Variants in SNAP25 observed in about 807,000 individuals in gnomAD.
The protein encoded by SNAP25 is synaptosomal-associated protein 25.
SNAP25 carries 3 observed loss-of-function variants against 28.7 expected under a neutral mutation model. The ratio of observed to expected loss-of-function variants is 0.10; its 90% CI spans 0.05 to 0.27. SNAP25 has a LOEUF of 0.27. Ranked by LOEUF, SNAP25 falls within the 10% of genes least tolerant of loss-of-function variation. The pLI, the probability that SNAP25 is intolerant of heterozygous loss-of-function variation, is 1.00. For synonymous variants in SNAP25, 61 were observed against 88.1 expected, an observed-to-expected ratio of 0.69 and a Z score of 1.72; for missense variants, 117 against 278.7, an observed-to-expected ratio of 0.42 and a Z score of 4.13.
At chr20:10,255,960 GA>G (rs371110849) in intron 1 of SNAP25, among the ~76,000 whole-genome samples, 67 of 152,312 alleles carry the variant, frequency 4.4e-4, no homozygotes, top group African/African-American at 1.5e-3. Context: ...TTTATGCATA[GA>G]TAATGCAAGG....
At chr20:10,283,105 T>G (rs773420000) in intron 3 of SNAP25, among the ~76,000 whole-genome samples, 28 of 152,216 alleles carry the variant, frequency 1.8e-4, no homozygotes, top group Admixed American at 3.3e-4. Context: ...AGTAGTGGTC[T>G]AGAAGCTTCA....
chr20:10,283,358 A>G (rs1032479089), intron 3 of SNAP25, among the ~76,000 whole-genome samples: 2 of 152,196 alleles, frequency 1.3e-5, no homozygotes, highest in African/African-American at 4.8e-5. Flanking sequence ...ACAGTTAGGG[A>G]ATGAAATCAC....
intron 1 of SNAP25, among the ~76,000 whole-genome samples, chr20:10,240,811 G>A (rs1057168188): frequency 6.6e-6 from 1 of 152,208 alleles, no homozygotes; most frequent in Admixed American, 6.5e-5. Context: ...CCCTCCAGAG[G>A]AGGCTAGGCT....
chr20:10,283,393 T>C (rs1012011599), intron 3 of SNAP25, among the ~76,000 whole-genome samples: 1 of 152,152 alleles, frequency 6.6e-6, no homozygotes, highest in Non-Finnish European at 1.5e-5. Flanking sequence ...AGAGTCTGTC[T>C]CCACAGTCTG....
chr20:10,303,003 C>T (rs1424338154), intron 7 of SNAP25, among the ~76,000 whole-genome samples: 2 of 152,114 alleles, frequency 1.3e-5, no homozygotes, highest in Non-Finnish European at 2.9e-5. Flanking sequence ...CAGGTGAAGG[C>T]CCCTCAGTGC....
chr20:10,264,320 A>G (rs1046582607), intron 1 of SNAP25, among the ~76,000 whole-genome samples: 7 of 152,282 alleles, frequency 4.6e-5, no homozygotes, highest in African/African-American at 1.7e-4. Context: ...CCAGACATAC[A>G]GATATAGAAT....
At chr20:10,219,735 C>G (rs1305913717) in intron 1 of SNAP25, 1 of 152,282 alleles carries the variant, frequency 6.6e-6, no homozygotes, top group Non-Finnish European at 1.5e-5. Flanking sequence ...AATGCCTGGC[C>G]GGGGCTGGAT....
At chr20:10,260,261 A>C (rs974579779) in intron 1 of SNAP25, among the ~76,000 whole-genome samples, 1 of 152,182 alleles carries the variant, frequency 6.6e-6, no homozygotes, top group Non-Finnish European at 1.5e-5. Context: ...TAAGGAAAAC[A>C]AGCCTCAGGA....
chr20:10,230,250 G>A (rs189063704), intron 1 of SNAP25, among the ~76,000 whole-genome samples: 2 of 152,216 alleles, frequency 1.3e-5, no homozygotes, highest in Non-Finnish European at 2.9e-5. Flanking sequence ...GTTGGGGGTG[G>A]GAGGGACAAG....
chr20:10,257,647 G>T (rs2063342568), intron 1 of SNAP25, among the ~76,000 whole-genome samples: 1 of 151,102 alleles, frequency 6.6e-6, no homozygotes, highest in Admixed American at 6.6e-5. Flanking sequence ...GGAGGCAGAG[G>T]TTGCAGTGAG....
At chr20:10,287,391 A>G (rs1371089608) in intron 4 of SNAP25, among the ~76,000 whole-genome samples, 2 of 151,950 alleles carry the variant, frequency 1.3e-5, no homozygotes, top group Admixed American at 6.6e-5. Flanking sequence ...TTATGCAGCC[A>G]AAAAACACAT....
intron 1 of SNAP25, among the ~76,000 whole-genome samples, chr20:10,232,148 T>A (rs1463741484): frequency 1.3e-5 from 2 of 152,190 alleles, no homozygotes; most frequent in Non-Finnish European, 2.9e-5. Flanking sequence ...GATTCCACTT[T>A]CTCTTGTTGA....
chr20:10,272,096 C>A (rs2063605129), intron 1 of SNAP25, among the ~76,000 whole-genome samples: 1 of 152,156 alleles, frequency 6.6e-6, no homozygotes, highest in Non-Finnish European at 1.5e-5. Flanking sequence ...ATGTCTTGTG[C>A]CTAGCCGTTA....
chr20:10,270,235 C>G (rs2063570202), intron 1 of SNAP25, among the ~76,000 whole-genome samples: 1 of 152,076 alleles, frequency 6.6e-6, no homozygotes, highest in African/African-American at 2.4e-5. Flanking sequence ...GCCTGGGCAA[C>G]AAGAGCGAAA....
rs145482244 is a variant in SNAP25, at chr20:10,288,440, T to C, written c.163+3668T>C. ...AGGCTTACATGAGTGATAAATTGCA[T>C]TGTACTTTGATGAAGAAAATCTAGA... On this transcript the variant is annotated intron_variant, in intron 4 of 7. Transcript: ENST00000254976. 4.2e-4 allele frequency among the ~76,000 whole-genome samples: 64 copies of C among 152,346 alleles called. No individual in the cohort carries two copies. In the East Asian group the frequency reaches 9.1e-3, roughly 22 times the overall value.
chr20:10,264,859 A>G (rs2063480057), intron 1 of SNAP25, among the ~76,000 whole-genome samples: 1 of 151,700 alleles, frequency 6.6e-6, no homozygotes, highest in South Asian at 2.1e-4. Context: ...TGTAACTGGG[A>G]ATCTGCATTT....
chr20:10,284,824 T>C, intron 4 of SNAP25, 52 bp downstream of exon 4: 1 of 1,457,144 alleles, frequency 6.9e-7, no homozygotes, highest in Non-Finnish European at 9.6e-7. Flanking sequence ...ATAATGTGCA[T>C]TTTAAAATTA....
chr20:10,299,667 T>C (rs961434735), intron 7 of SNAP25, among the ~76,000 whole-genome samples: 1 of 152,220 alleles, frequency 6.6e-6, no homozygotes, highest in African/African-American at 2.4e-5. Context: ...CTAGGCACTG[T>C]GGGCCATGTA....
At chr20:10,228,431 A>G (rs529173263) in intron 1 of SNAP25, among the ~76,000 whole-genome samples, 31 of 152,304 alleles carry the variant, frequency 2.0e-4, no homozygotes, top group African/African-American at 7.0e-4. Context: ...CTGCTGATAC[A>G]TAGAACGTGA....
Sources: allele counts gnomAD v4.1 joint callset (sites outside exome capture counted in the v4.1 genomes callset), GRCh38; gene constraint gnomAD v4.1.1; transcripts MANE v1.5; gene names NCBI Gene and HGNC (gene_info 2026-07-23, HGNC 2026-07-21).